SH3GL3: variants seen among roughly 807,000 people sequenced by gnomAD.
The protein encoded by SH3GL3 is endophilin-A3.
SH3GL3 carries 33 observed loss-of-function variants against 47.7 expected under a neutral mutation model. The observed-to-expected ratio is 0.69, with a 90% CI of 0.52 to 0.92. The LOEUF (loss-of-function observed/expected upper bound fraction) is 0.92. Ranked by LOEUF, SH3GL3 falls within the 40% of genes least tolerant of loss-of-function variation. The pLI, the probability that SH3GL3 is intolerant of heterozygous loss-of-function variation, is 0.00. For synonymous variants in SH3GL3, 155 were observed against 148.8 expected (o/e 1.04, Z -0.30); for missense variants, 363 against 417.8 (o/e 0.87, Z 1.14).
At chr15:83,620,726 G>T (rs1474590616), downstream of SH3GL3, among the ~76,000 whole-genome samples, 1 of 152,214 alleles carries the variant, frequency 6.6e-6, no homozygotes, top group African/African-American at 2.4e-5. Flanking sequence ...AATGGTCAGT[G>T]CGCATTGGCT....
At chr15:83,576,824 C>G in intron 6 of SH3GL3, 83 bp downstream of exon 6, 1 of 1,002,212 alleles carries the variant, frequency 1.0e-6, no homozygotes, top group African/African-American at 1.6e-5. Context: ...TGTTGAAAAA[C>G]TCTAAAGCAG....
At chr15:83,568,920 T>C (rs2045685399) in intron 4 of SH3GL3, among the ~76,000 whole-genome samples, 1 of 151,472 alleles carries the variant, frequency 6.6e-6, no homozygotes, top group South Asian at 2.1e-4. Context: ...TTTTTTTTTT[T>C]TTAGACAAAG....
chr15:83,458,027 T>A (rs1220885872), intron 1 of SH3GL3, among the ~76,000 whole-genome samples: 1 of 152,186 alleles, frequency 6.6e-6, no homozygotes, highest in Non-Finnish European at 1.5e-5. Context: ...AAGTTAAGTG[T>A]GTGTGTGGGT....
intron 1 of SH3GL3, among the ~76,000 whole-genome samples, chr15:83,542,643 T>C (rs1362959763): frequency 1.3e-5 from 2 of 152,186 alleles, no homozygotes; most frequent in African/African-American, 4.8e-5. Context: ...CTTCAATTTT[T>C]TGCATCAATG....
intron 1 of SH3GL3, among the ~76,000 whole-genome samples, chr15:83,476,877 A>G (rs2041123747): frequency 6.6e-6 from 1 of 152,228 alleles, no homozygotes; most frequent in African/African-American, 2.4e-5. Context: ...CATGTTTCTG[A>G]AGCCCTGGAT....
rs565673699 is a variant in SH3GL3 at position 83,508,681 on chromosome 15, G to A, written c.46-50572G>A. 3.9e-5 allele frequency among the ~76,000 whole-genome samples: 6 copies of A among 152,174 alleles called. No individual in the cohort carries two copies. In the South Asian group the frequency reaches 6.2e-4, roughly 16 times the overall value. On this transcript the variant is annotated intron_variant, in intron 1 of 8. Coordinates refer to ENST00000427482, the MANE Select transcript of SH3GL3 (RefSeq NM_003027.5). ...CAACCTCTGCCTTCTGGGTTCAAGC[G>A]ATTCTCGTGCCTCAGCCTCCCAAGT...
rs8023414 is a variant in SH3GL3, at chr15:83,456,459, C to A, written c.45+8881C>A. Among the ~76,000 whole-genome samples the A allele has an allele frequency of 8.3e-3, 531 of 64,256 alleles. 2 individuals carry two copies. Among genetic ancestry groups the A allele is most frequent in the Non-Finnish European group, 0.011 (325 of 29,736 alleles). The allele number at this position is 64,256 out of a possible 152,430, so 42.2% of individuals were successfully genotyped here. ...CAGACTGCTGTGCTAGCAATCAGCG[C>A]GATTCCGTGGGCGTAGGACCCTCTG... is the stretch of plus-strand genomic sequence containing the variant. On this transcript the variant is annotated intron_variant, in intron 1 of 8. Transcript: ENST00000427482.
At chr15:83,485,880 A>G (rs2041573599) in intron 1 of SH3GL3, among the ~76,000 whole-genome samples, 1 of 152,210 alleles carries the variant, frequency 6.6e-6, no homozygotes, top group Admixed American at 6.5e-5. Context: ...CAGAAAACTA[A>G]AGAGAAAAAT....
chr15:83,628,011 T>C, the SH3GL3 span, among the ~76,000 whole-genome samples: 1 of 152,208 alleles, frequency 6.6e-6, no homozygotes, highest in Non-Finnish European at 1.5e-5. Flanking sequence ...CAAAAATAGC[T>C]GAACTACCAC....
intron 1 of SH3GL3, among the ~76,000 whole-genome samples, chr15:83,490,155 G>A (rs1373857998): frequency 2.0e-5 from 3 of 152,130 alleles, no homozygotes; most frequent in Non-Finnish European, 4.4e-5. Context: ...TGAGGTTGGG[G>A]CCCCTTAGGG....
intron 1 of SH3GL3, among the ~76,000 whole-genome samples, chr15:83,477,331 C>T (rs2041146525): frequency 6.6e-6 from 1 of 152,130 alleles, no homozygotes; most frequent in South Asian, 2.1e-4. Context: ...TTCATCTTGC[C>T]TTCTCCTTTG....
chr15:83,608,569 G>A (rs554723484), intron 8 of SH3GL3, among the ~76,000 whole-genome samples: 6 of 152,264 alleles, frequency 3.9e-5, no homozygotes, highest in African/African-American at 1.4e-4. Flanking sequence ...CTTTTGAAGG[G>A]AGTTTAAACC....
chr15:83,509,801 G>C (rs2042669604), intron 1 of SH3GL3, among the ~76,000 whole-genome samples: 1 of 152,178 alleles, frequency 6.6e-6, no homozygotes, highest in South Asian at 2.1e-4. Flanking sequence ...CCTTGAAAGA[G>C]TTTACAATCA....
Position 83,448,636 on chromosome 15 carries a change from C to G in SH3GL3, c.45+1058C>G, listed in dbSNP as rs947197694. ...ACCCCAGCCCCCATTTTGCTAGAGC[C>G]AGGGTAGACAGATTTCATTCAACGT... On this transcript the variant is annotated intron_variant, in intron 1 of 8. Transcript: ENST00000427482. The surrounding 1 kb of genome is among the most constrained non-coding windows in gnomAD (Gnocchi z 4.2). Among the ~76,000 whole-genome samples the G allele has an allele frequency of 2.0e-5, 3 of 152,130 alleles. No individual in the cohort carries two copies. The highest frequency in any genetic ancestry group is 7.2e-5 in the African/African-American group (3 of 41,416).
At chr15:83,457,189 G>A (rs545785089) in intron 1 of SH3GL3, among the ~76,000 whole-genome samples, 2 of 152,296 alleles carry the variant, frequency 1.3e-5, no homozygotes, top group South Asian at 2.1e-4. Context: ...GGACCTTCTT[G>A]TCTTCCAGGG....
chr15:83,465,804 T>G (rs1456936609), intron 1 of SH3GL3, among the ~76,000 whole-genome samples: 1 of 152,242 alleles, frequency 6.6e-6, no homozygotes, highest in East Asian at 1.9e-4. Context: ...TTATTCTATG[T>G]GCTTTTAATT....
intron 1 of SH3GL3, among the ~76,000 whole-genome samples, chr15:83,474,055 G>T (rs946884870): frequency 6.6e-6 from 1 of 151,970 alleles, no homozygotes; most frequent in Admixed American, 6.6e-5. Context: ...AATGCCCGGG[G>T]TTTTAAATTG....
rs550470275 is a variant in SH3GL3, at chr15:83,528,521, T to A, written c.46-30732T>A. On this transcript the variant is annotated intron_variant, in intron 1 of 8. Transcript: ENST00000427482. ...TCCTTTTTCCTTTTTCTTTTTTGTC[T>A]GATTGGGTTATTTCAAAACATTTGT... is the stretch of plus-strand genomic sequence containing the variant. Among the ~76,000 whole-genome samples, 3 of 152,216 alleles carry A rather than the reference T, an allele frequency of 2.0e-5. No homozygotes were observed. The East Asian group carries it at 5.8e-4, about 29-fold the overall frequency.
chr15:83,621,447 G>C (rs1022598415), downstream of SH3GL3, among the ~76,000 whole-genome samples: 15 of 152,288 alleles, frequency 9.8e-5, no homozygotes, highest in South Asian at 3.1e-3. Context: ...TGGCCAGGCA[G>C]TGGAGCAGTC....
Sources: allele counts gnomAD v4.1 joint callset (sites outside exome capture counted in the v4.1 genomes callset), GRCh38; gene constraint gnomAD v4.1.1; non-coding constraint Gnocchi (gnomAD v3.1); transcripts MANE v1.5; gene names NCBI Gene and HGNC (gene_info 2026-07-23, HGNC 2026-07-21).